SLC8A1: variants seen among roughly 807,000 people sequenced by gnomAD.
The protein encoded by SLC8A1 is solute carrier family 8 member A1, also known as sodium/calcium exchanger 1.
A neutral mutation model predicts 68.3 loss-of-function variants in SLC8A1; 18 were observed. The ratio of observed to expected loss-of-function variants is 0.26; its 90% CI spans 0.18 to 0.39. SLC8A1 has a LOEUF of 0.39. SLC8A1 is among the 10% of genes least tolerant of loss of function. The pLI, the probability that SLC8A1 is intolerant of heterozygous loss-of-function variation, is 1.00. For missense variants in SLC8A1, 985 were observed against 1,156.7 expected (o/e 0.85, Z 2.15); for synonymous variants, 475 against 415.5 (o/e 1.14, Z -1.74).
intron 7 of SLC8A1, among the ~76,000 whole-genome samples, chr2:40,129,075 T>G (rs914665681): frequency 1.3e-5 from 2 of 152,192 alleles, no homozygotes; most frequent in Non-Finnish European, 2.9e-5. Context: ...GTAGCAAGAC[T>G]CAGTGAATTT....
chr2:40,451,260 C>T (rs1702428479), intron 1 of SLC8A1, among the ~76,000 whole-genome samples: 2 of 152,110 alleles, frequency 1.3e-5, no homozygotes, highest in Admixed American at 1.3e-4. Flanking sequence ...GTGCAGAATC[C>T]CCAAAGCACA....
chr2:40,415,659 G>C (rs189926573), intron 2 of SLC8A1, among the ~76,000 whole-genome samples: 2 of 152,030 alleles, frequency 1.3e-5, no homozygotes, highest in African/African-American at 4.8e-5. Flanking sequence ...CATTTCAAAG[G>C]ACTAATGCTC....
At chr2:40,200,222 T>TATATATATATATAAATATATATATATTTA (rs1558722368) in intron 2 of SLC8A1, among the ~76,000 whole-genome samples, 1 of 5,176 alleles carries the variant, frequency 1.9e-4, no homozygotes. Flanking sequence ...ATATATATTT[T>TATATATATATATAAATATATATATATTTA]TTTATATATA....
intron 6 of SLC8A1, among the ~76,000 whole-genome samples, chr2:40,146,945 C>T (rs187348353): frequency 1.2e-4 from 18 of 152,276 alleles, no homozygotes; most frequent in Admixed American, 3.9e-4. Context: ...GAAGGCAACT[C>T]ACTCTCTGTT....
chr2:40,423,548 C>T (rs1576373339), intron 2 of SLC8A1, among the ~76,000 whole-genome samples: 1 of 151,944 alleles, frequency 6.6e-6, no homozygotes, highest in South Asian at 2.1e-4. Context: ...ATGTAATGGC[C>T]TTGAATGATG....
intron 4 of SLC8A1, among the ~76,000 whole-genome samples, chr2:40,169,995 G>C (rs187051269): frequency 2.6e-5 from 4 of 152,280 alleles, no homozygotes; most frequent in Admixed American, 2.0e-4. Flanking sequence ...TGATGTGCGA[G>C]AAGAAATATT....
intron 2 of SLC8A1, among the ~76,000 whole-genome samples, chr2:40,319,965 T>C (rs1394302512): frequency 6.6e-6 from 1 of 152,148 alleles, no homozygotes; most frequent in Non-Finnish European, 1.5e-5. Flanking sequence ...TGGTTCTGCA[T>C]CTTAAATGGG....
At chr2:40,362,435 C>A (rs1674894709) in intron 2 of SLC8A1, among the ~76,000 whole-genome samples, 2 of 152,020 alleles carry the variant, frequency 1.3e-5, no homozygotes, top group South Asian at 2.1e-4. Context: ...GACAAATTAC[C>A]AACTACCAAA....
intron 2 of SLC8A1, among the ~76,000 whole-genome samples, chr2:40,309,172 T>C (rs2073219800): frequency 6.6e-6 from 1 of 152,210 alleles, no homozygotes; most frequent in South Asian, 2.1e-4. Flanking sequence ...AAGGTGACAG[T>C]GCTTTAGGTA....
intron 2 of SLC8A1, among the ~76,000 whole-genome samples, chr2:40,336,146 T>C (rs904355488): frequency 6.6e-6 from 1 of 152,154 alleles, no homozygotes; most frequent in African/African-American, 2.4e-5. Flanking sequence ...CCCTCTAATC[T>C]CAAGGATGAA....
intron 2 of SLC8A1, among the ~76,000 whole-genome samples, chr2:40,321,092 A>G (rs1264554093): frequency 6.6e-6 from 1 of 152,168 alleles, no homozygotes; most frequent in Non-Finnish European, 1.5e-5. Context: ...TTTCAAGATC[A>G]TACATCTACT....
chr2:40,227,923 C>T (rs1045143612), intron 2 of SLC8A1, among the ~76,000 whole-genome samples: 1 of 152,094 alleles, frequency 6.6e-6, no homozygotes, highest in African/African-American at 2.4e-5. Context: ...CTTCAAAGGG[C>T]TTCAAGTCTA....
At chr2:40,112,142 A>G (rs916591356) in exon 8 of SLC8A1, 2 of 152,726 alleles carry the variant, frequency 1.3e-5, no homozygotes, top group Non-Finnish European at 2.9e-5. Context: ...CAGTTGCACA[A>G]TAATACCATT....
chr2:40,284,641 CAT>C (rs2068022470), intron 2 of SLC8A1, among the ~76,000 whole-genome samples: 1 of 135,634 alleles, frequency 7.4e-6, no homozygotes, highest in South Asian at 2.4e-4. Flanking sequence ...TGGGGAAAAA[CAT>C]ATATAAATAT....
At chr2:40,273,784 G>A (rs1010072469) in intron 2 of SLC8A1, among the ~76,000 whole-genome samples, 5 of 151,760 alleles carry the variant, frequency 3.3e-5, no homozygotes, top group Admixed American at 1.3e-4. Flanking sequence ...TGAAACTCCC[G>A]ATAAGGCACT....
At chr2:40,375,965 C>T (rs1328205760) in intron 2 of SLC8A1, among the ~76,000 whole-genome samples, 1 of 152,048 alleles carries the variant, frequency 6.6e-6, no homozygotes, top group Non-Finnish European at 1.5e-5. Flanking sequence ...AGCACCACTA[C>T]ACTCCAGCTT....
intron 2 of SLC8A1, among the ~76,000 whole-genome samples, chr2:40,283,973 T>C (rs1370807636): frequency 2.0e-5 from 3 of 152,114 alleles, no homozygotes; most frequent in Admixed American, 6.6e-5. Context: ...AAAACTAGGC[T>C]TGTAATTGTT....
chr2:40,362,104 AGGCT>A (rs1229819740), intron 2 of SLC8A1, among the ~76,000 whole-genome samples: 4 of 151,592 alleles, frequency 2.6e-5, no homozygotes, highest in Non-Finnish European at 5.9e-5. Flanking sequence ...CATGTTGGCC[AGGCT>A]GGTCTCGAAC....
chr2:40,469,307 C>T (rs1053982378), intron 1 of SLC8A1, among the ~76,000 whole-genome samples: 1 of 152,066 alleles, frequency 6.6e-6, no homozygotes, highest in African/African-American at 2.4e-5. Context: ...TTTCCCCATA[C>T]TGCTGTCATG....
Sources: allele counts gnomAD v4.1 joint callset (sites outside exome capture counted in the v4.1 genomes callset), GRCh38; gene constraint gnomAD v4.1.1; transcripts MANE v1.5; gene names NCBI Gene and HGNC (gene_info 2026-07-23, HGNC 2026-07-21).